Variants in LRRC4C observed in about 807,000 individuals in gnomAD.
LRRC4C encodes leucine-rich repeat-containing protein 4C.
Under a neutral mutation model 33.6 loss-of-function variants are expected in LRRC4C, and 5 were observed. The observed-to-expected ratio is 0.15, with a 90% CI of 0.08 to 0.31. LRRC4C has a LOEUF of 0.31. LRRC4C is among the 10% of genes least tolerant of loss of function. The probability of loss-of-function intolerance (pLI) is 1.00; values close to 1 mark genes in which losing one functional copy is unlikely to be tolerated. For synonymous variants in LRRC4C, 329 were observed against 302.0 expected, an observed-to-expected ratio of 1.09 and a Z score of -0.93; for missense variants, 560 against 796.7, an observed-to-expected ratio of 0.70 and a Z score of 3.58.
chr11:41,287,651 C>A (rs1027797935), intron 1 of LRRC4C, among the ~76,000 whole-genome samples: 41 of 152,246 alleles, frequency 2.7e-4, no homozygotes, highest in African/African-American at 8.4e-4. Flanking sequence ...AATACACAAG[C>A]TGATAAAACA....
intron 2 of LRRC4C, among the ~76,000 whole-genome samples, chr11:40,827,712 G>C (rs549214428): frequency 1.1e-4 from 17 of 151,638 alleles, no homozygotes; most frequent in South Asian, 2.1e-4. Context: ...AATGAAATGA[G>C]TATGTTTGCG....
At chr11:40,630,172 A>T (rs928790725) in intron 3 of LRRC4C, among the ~76,000 whole-genome samples, 20 of 152,162 alleles carry the variant, frequency 1.3e-4, no homozygotes, top group Non-Finnish European at 4.4e-5. Context: ...CAAAGCCAAA[A>T]CTATCTTTGA....
rs1052603005 is a variant in LRRC4C, at chr11:40,372,763, G to A, written c.-269-53042C>T. Among the ~76,000 whole-genome samples the A allele has an allele frequency of 6.6e-5, 10 of 152,266 alleles. No individual in the cohort carries two copies. The South Asian group carries it at 2.1e-3, about 32-fold the overall frequency. ...CAGTGAACTGAATGTTTGGTGATCA[G>A]AAAAGCATACTTTGTCATTAGGCCT... is the stretch of plus-strand genomic sequence containing the variant. On this transcript the variant is annotated intron_variant, in intron 3 of 6. Coordinates refer to ENST00000528697, the MANE Select transcript of LRRC4C (RefSeq NM_001258419.2).
intron 2 of LRRC4C, among the ~76,000 whole-genome samples, chr11:40,799,932 G>A (rs916270964): frequency 3.3e-5 from 5 of 152,086 alleles, no homozygotes; most frequent in Non-Finnish European, 7.4e-5. Flanking sequence ...TATTTTAACA[G>A]CCAGTATCTA....
intron 1 of LRRC4C, among the ~76,000 whole-genome samples, chr11:41,019,056 A>G (rs116056672): frequency 5.3e-4 from 80 of 151,906 alleles, no homozygotes; most frequent in African/African-American, 1.9e-3. Context: ...TTATTTCCTT[A>G]TGTCTTCTAA....
chr11:41,209,222 T>G (rs975971703), intron 1 of LRRC4C, among the ~76,000 whole-genome samples: 10 of 149,626 alleles, frequency 6.7e-5, no homozygotes, highest in Non-Finnish European at 1.3e-4. Flanking sequence ...ATTAAATATA[T>G]ACTAATATTA....
intron 1 of LRRC4C, among the ~76,000 whole-genome samples, chr11:41,234,198 C>A (rs1016769039): frequency 6.6e-6 from 1 of 152,048 alleles, no homozygotes; most frequent in Admixed American, 6.6e-5. Flanking sequence ...CTGTTCAGTG[C>A]TAAAGAACTT....
rs953158505 is a variant in LRRC4C, at chr11:40,615,030, TGGTGCCAATAGA to T, written c.-270+33100_-270+33111del. Among the ~76,000 whole-genome samples, 610 of 151,570 alleles carry T rather than the reference TGGTGCCAATAGA, an allele frequency of 4.0e-3. 3 individuals carry two copies. The highest frequency in any genetic ancestry group is 0.013 in the African/African-American group (546 of 41,406). ...AAGTGAGCACGTGCTGTTGGATAAG[TGGTGCCAATAGA>T]CTTGCCTTATGCAGGGTTACCACAG... On this transcript the variant is annotated intron_variant, in intron 3 of 6. Transcript: ENST00000528697.
chr11:40,175,406 G>A (rs758794869), intron 5 of LRRC4C, among the ~76,000 whole-genome samples: 6 of 152,142 alleles, frequency 3.9e-5, no homozygotes, highest in Non-Finnish European at 5.9e-5. Flanking sequence ...GAAATCCTCC[G>A]CTTAGTCAAC....
At chr11:40,175,108 A>T (rs1860364793) in intron 5 of LRRC4C, among the ~76,000 whole-genome samples, 1 of 152,228 alleles carries the variant, frequency 6.6e-6, no homozygotes, top group Non-Finnish European at 1.5e-5. Flanking sequence ...TCAGCTTTCA[A>T]AACATTGCAT....
At chr11:40,921,751 G>T (rs1172620083) in intron 2 of LRRC4C, among the ~76,000 whole-genome samples, 1 of 152,060 alleles carries the variant, frequency 6.6e-6, no homozygotes, top group East Asian at 1.9e-4. Context: ...TTTTCTTTGT[G>T]TTGGCAACAT....
At chr11:40,633,633 A>G (rs1963710311) in intron 3 of LRRC4C, among the ~76,000 whole-genome samples, 1 of 151,848 alleles carries the variant, frequency 6.6e-6, no homozygotes, top group East Asian at 1.9e-4. Context: ...AGGTGATCCC[A>G]TCCACCTTGG....
At chr11:40,917,995 C>T (rs916351147) in intron 2 of LRRC4C, among the ~76,000 whole-genome samples, 5 of 152,086 alleles carry the variant, frequency 3.3e-5, no homozygotes, top group South Asian at 4.2e-4. Flanking sequence ...ATTATGCCTG[C>T]TTAGAATTCC....
intron 5 of LRRC4C, among the ~76,000 whole-genome samples, chr11:40,155,427 G>C (rs1022934152): frequency 3.9e-5 from 6 of 151,994 alleles, no homozygotes; most frequent in African/African-American, 1.4e-4. Context: ...CTGGTTCTTT[G>C]AAAAGATACA....
chr11:41,451,206 T>C (rs1348382426), intron 1 of LRRC4C, among the ~76,000 whole-genome samples: 1 of 152,158 alleles, frequency 6.6e-6, no homozygotes, highest in Non-Finnish European at 1.5e-5. Flanking sequence ...AAGAATGTAC[T>C]GTTACCCACA....
chr11:41,167,895 ACAG>A (rs1480670872), intron 1 of LRRC4C, among the ~76,000 whole-genome samples: 12 of 152,148 alleles, frequency 7.9e-5, no homozygotes, highest in African/African-American at 2.9e-4. Context: ...TAACTAATCA[ACAG>A]GAGATTATTT....
At chr11:41,336,491 TA>T (rs1428291069) in intron 1 of LRRC4C, among the ~76,000 whole-genome samples, 1 of 152,058 alleles carries the variant, frequency 6.6e-6, no homozygotes, top group African/African-American at 2.4e-5. Context: ...ATGTCAAGTA[TA>T]GTAGAAAGAA....
intron 3 of LRRC4C, among the ~76,000 whole-genome samples, chr11:40,436,574 T>A (rs1185830128): frequency 6.6e-6 from 1 of 152,184 alleles, no homozygotes; most frequent in African/African-American, 2.4e-5. Context: ...GAGCCTGGTG[T>A]GTGCACCCAA....
At chr11:40,561,708 G>C (rs1195857429) in intron 3 of LRRC4C, among the ~76,000 whole-genome samples, 1 of 152,060 alleles carries the variant, frequency 6.6e-6, no homozygotes, top group Admixed American at 6.5e-5. Flanking sequence ...CACCGCGCCC[G>C]GCCCGTTGTT....
Sources: allele counts gnomAD v4.1 joint callset (sites outside exome capture counted in the v4.1 genomes callset), GRCh38; gene constraint gnomAD v4.1.1; transcripts MANE v1.5; gene names NCBI Gene and HGNC (gene_info 2026-07-23, HGNC 2026-07-21).